The following MIER1 variants were observed in gnomAD, a reference collection of about 807,000 sequenced individuals.
MIER1 encodes the protein MIER1 transcriptional regulator.
MIER1 carries 40 observed loss-of-function variants against 75.7 expected under a neutral mutation model. The observed-to-expected ratio is 0.53, with a 90% CI of 0.41 to 0.69. The LOEUF (loss-of-function observed/expected upper bound fraction) is 0.69, where lower values mean the gene tolerates loss of function less well. MIER1 is among the 30% of genes least tolerant of loss of function. MIER1 has a pLI of 0.00. For missense variants in MIER1, 574 were observed against 680.2 expected (o/e 0.84, Z 1.74); for synonymous variants, 213 against 223.4 (o/e 0.95, Z 0.42).
intron 1 of MIER1, 179 bp downstream of exon 1, chr1:66,925,274 G>A: frequency 5.1e-6 from 5 of 984,372 alleles, no homozygotes; most frequent in Non-Finnish European, 6.0e-6. Flanking sequence ...GCTCTCCGCC[G>A]GCTGCCAAAG....
At chr1:66,955,342 T>TG (rs1659890138) in intron 4 of MIER1, among the ~76,000 whole-genome samples, 2 of 136,686 alleles carry the variant, frequency 1.5e-5, no homozygotes, top group East Asian at 2.1e-4. Flanking sequence ...CTGAGTTTTT[T>TG]TTTTTTTTTT....
rs1666603038 is a variant in MIER1, at chr1:66,985,061, G to A, written c.*161G>A. 1 of 1,352,898 alleles carries A rather than the reference G, an allele frequency of 7.4e-7. No individual in the cohort carries two copies. Among genetic ancestry groups the A allele is most frequent in the African/African-American group, 1.5e-5 (1 of 66,634 alleles). 83.8% of individuals were successfully genotyped at this position (1,352,898 alleles called of 1,614,324 possible). On this transcript the variant is annotated 3_prime_UTR_variant, in exon 14 of 14. Coordinates refer to ENST00000401041, the MANE Select transcript of MIER1 (RefSeq NM_001077700.3). The stretch of plus-strand genomic sequence containing the variant: ...AGGTTTCATAATTCTGCCTTTTGCA[G>A]ATTTTTTTACTTTAAAGCTGTCAGA...
intron 1 of MIER1, chr1:66,925,641 G>A: frequency 1.3e-6 from 1 of 755,426 alleles, no homozygotes; most frequent in Non-Finnish European, 1.6e-6. Context: ...CTAGCGCGTG[G>A]GAGGATCCCT....
intron 11 of MIER1, among the ~76,000 whole-genome samples, chr1:66,973,945 C>T (rs57379915): frequency 1.3e-5 from 2 of 152,022 alleles, no homozygotes; most frequent in Non-Finnish European, 2.9e-5. Flanking sequence ...TGCCACAGCT[C>T]TCTTTTTATA....
At position 66,958,737 on chromosome 1, in the gene MIER1, T is replaced by C. The variant is rs1421300097; in HGVS notation, c.502-114T>C. 1.9e-5 allele frequency: 14 copies of C among 752,196 alleles called. No individual in the cohort carries two copies. In the African/African-American group the frequency reaches 2.5e-4, roughly 13 times the overall value. The allele number at this position is 752,196 out of a possible 1,614,324, so 46.6% of individuals were successfully genotyped here. On this transcript the variant is annotated intron_variant, in intron 5 of 13. Coordinates refer to ENST00000401041, the MANE Select transcript of MIER1 (RefSeq NM_001077700.3). ...CCAACCCAGAGGATGATACTACATC[T>C]AGTATATTCATTTTAGTCTTCTGCA...
chr1:66,925,052 TGGCGGCAGCAGCGAAG>T lies in MIER1; in HGVS notation c.26_41del (p.Gly9ValfsTer27). 6.5e-7 allele frequency: 1 copy of T among 1,549,098 alleles called. No homozygotes were observed. The highest frequency in any genetic ancestry group is 1.2e-5 in the South Asian group (1 of 84,130). On this transcript the variant is annotated frameshift_variant, in exon 1 of 14. Coordinates refer to ENST00000401041, the MANE Select transcript of MIER1 (RefSeq NM_001077700.3). LOFTEE classifies it high-confidence loss of function. ...GGATGGATGGGGCTTCTTCAGGCGG[TGGCGGCAGCAGCGAAG>T]GTGGCGGCGGCAGCAGCGGCAGCGG...
intron 2 of MIER1, among the ~76,000 whole-genome samples, chr1:66,930,057 C>G (rs1333919127): frequency 6.6e-6 from 1 of 152,066 alleles, no homozygotes; most frequent in Non-Finnish European, 1.5e-5. Context: ...CGAAGCGCCC[C>G]GCGCGGTTGC....
At chr1:66,945,920 T>G (rs759056420) in intron 3 of MIER1, among the ~76,000 whole-genome samples, 4 of 152,228 alleles carry the variant, frequency 2.6e-5, no homozygotes, top group Non-Finnish European at 4.4e-5. Flanking sequence ...GACCATTTAT[T>G]ATTTACAATT....
chr1:66,972,365 G>C (rs995263157), intron 10 of MIER1, among the ~76,000 whole-genome samples: 3 of 151,314 alleles, frequency 2.0e-5, no homozygotes, highest in Admixed American at 6.6e-5. Context: ...GTGGTGCTTA[G>C]AGCTTAGGTA....
At chr1:66,980,378 C>T (rs1467238950) in intron 12 of MIER1, among the ~76,000 whole-genome samples, 2 of 152,148 alleles carry the variant, frequency 1.3e-5, no homozygotes, top group African/African-American at 4.8e-5. Flanking sequence ...TTGCATAGGT[C>T]ATGGTCATAT....
chr1:66,955,336 G>GTTTTT lies in MIER1; in HGVS notation c.340-2699_340-2695dup, dbSNP rs34006160. Among the ~76,000 whole-genome samples, 235 of 59,960 alleles carry GTTTTT rather than the reference G, an allele frequency of 3.9e-3. 64 individuals carry two copies. The highest frequency in any genetic ancestry group is 0.015 in the African/African-American group (212 of 14,236). The allele number at this position is 59,960 out of a possible 152,430, so 39.3% of individuals were successfully genotyped here. On this transcript the variant is annotated intron_variant, in intron 4 of 13. Coordinates refer to ENST00000401041, the MANE Select transcript of MIER1 (RefSeq NM_001077700.3). Reference sequence around the variant, plus strand: ...TACCAGCAGCATTAGCATCACCTGAGTTTTTTTTTTTTTTTTTTTTTTTTT... The same window carrying GTTTTT: ...TACCAGCAGCATTAGCATCACCTGAGTTTTTTTTTTTTTTTTTTTTTTTTTTTTTT...
intron 13 of MIER1, among the ~76,000 whole-genome samples, chr1:66,983,726 A>G (rs759271281): frequency 2.0e-5 from 3 of 152,180 alleles, no homozygotes; most frequent in Non-Finnish European, 4.4e-5. Context: ...ATAGTGTGTG[A>G]TCATCTTTTT....
At position 66,934,244 on chromosome 1, in the gene MIER1, T is replaced by C. The variant is rs562081032; in HGVS notation, c.169-5784T>C. Among the ~76,000 whole-genome samples the C allele has an allele frequency of 3.3e-5, 5 of 152,292 alleles. No homozygotes were observed. The East Asian group carries it at 9.6e-4, about 29-fold the overall frequency. ...TTTATAATAAAAGTAAAGTTAGGTC[T>C]TGAAGAAATCTAAATCTTTTGATCA... On this transcript the variant is annotated intron_variant, in intron 2 of 13. Transcript: ENST00000401041.
At chr1:66,943,841 G>T (rs1656824703) in intron 3 of MIER1, among the ~76,000 whole-genome samples, 1 of 152,192 alleles carries the variant, frequency 6.6e-6, no homozygotes, top group Admixed American at 6.5e-5. Flanking sequence ...CTTTGAGGCA[G>T]TATACTAAAA....
rs1491442550 is a variant in MIER1, at chr1:66,972,264, A to ATG, written c.1006+529_1006+530insGT. Among the ~76,000 whole-genome samples, 6 of 23,700 alleles carry ATG rather than the reference A, an allele frequency of 2.5e-4. No individual in the cohort carries two copies. The African/African-American group carries it at 2.8e-3, about 11-fold the overall frequency. 15.5% of individuals were successfully genotyped at this position (23,700 alleles called of 152,430 possible). ...TATATATATATATATATATATATAGATATGTAACAAATGAGAGATATTTAT... is the reference window on the plus strand; with the variant it reads ...TATATATATATATATATATATATAGATGTATGTAACAAATGAGAGATATTTAT... On this transcript the variant is annotated intron_variant, in intron 10 of 13. Transcript: ENST00000401041.
chr1:66,961,789 CTT>C (rs1173715432), intron 7 of MIER1, among the ~76,000 whole-genome samples: 2 of 152,136 alleles, frequency 1.3e-5, no homozygotes, highest in Admixed American at 1.3e-4. Flanking sequence ...ATAAAGGACT[CTT>C]TTTATAGTAG....
At position 66,988,283 on chromosome 1, in the gene MIER1, G is replaced by C. The variant is rs1336884195; in HGVS notation, c.*3383G>C. ...CTCTTCTCTCAAAATGACTTTTTCT[G>C]TATCACATAATTCTACTGATACAAC... On this transcript the variant is annotated 3_prime_UTR_variant, in exon 14 of 14. Coordinates refer to ENST00000401041, the MANE Select transcript of MIER1 (RefSeq NM_001077700.3). 1 of 152,220 alleles carries C rather than the reference G, an allele frequency of 6.6e-6. No individual in the cohort carries two copies. Among genetic ancestry groups the C allele is most frequent in the African/African-American group, 2.4e-5 (1 of 41,404 alleles). 9.4% of individuals were successfully genotyped at this position (152,220 alleles called of 1,614,324 possible).
chr1:66,981,671 TAA>T, intron 12 of MIER1, 106 bp from the exon 13 acceptor site: 1 of 795,144 alleles, frequency 1.3e-6, no homozygotes, highest in Non-Finnish European at 2.0e-6. Context: ...GAATGAATGT[TAA>T]GTGAATATTA....
intron 3 of MIER1, among the ~76,000 whole-genome samples, chr1:66,942,693 A>T (rs899975997): frequency 6.6e-6 from 1 of 152,168 alleles, no homozygotes; most frequent in African/African-American, 2.4e-5. Context: ...AAAAGAAGTC[A>T]GATAGAACAG....
Sources: allele counts gnomAD v4.1 joint callset (sites outside exome capture counted in the v4.1 genomes callset), GRCh38; gene constraint gnomAD v4.1.1; transcripts MANE v1.5; gene names NCBI Gene and HGNC (gene_info 2026-07-23, HGNC 2026-07-21).